Variants in ZNRF3 observed in about 807,000 individuals in gnomAD.
ZNRF3 encodes zinc and ring finger 3.
Under a neutral mutation model 72.5 loss-of-function variants are expected in ZNRF3, and 23 were observed. The ratio of observed to expected loss-of-function variants is 0.32; its 90% CI spans 0.23 to 0.45. The LOEUF is 0.45. Ranked by LOEUF, ZNRF3 falls within the 20% of genes least tolerant of loss-of-function variation. The pLI is 1.00. For missense variants in ZNRF3, 1,169 were observed against 1,272.1 expected (o/e 0.92, Z 1.23); for synonymous variants, 610 against 545.3 (o/e 1.12, Z -1.65).
chr22:28,962,464 A>G (rs1382663611), intron 1 of ZNRF3, among the ~76,000 whole-genome samples: 1 of 152,196 alleles, frequency 6.6e-6, no homozygotes, highest in Non-Finnish European at 1.5e-5. Context: ...TCCAAAAGGC[A>G]CAAGCAGTCA....
At chr22:28,931,007 A>G (rs1035227638) in intron 1 of ZNRF3, among the ~76,000 whole-genome samples, 2 of 152,222 alleles carry the variant, frequency 1.3e-5, no homozygotes, top group Admixed American at 6.5e-5. Flanking sequence ...TGGCCAGAGT[A>G]TAACAGGCAG....
At chr22:29,025,554 C>CTCTT (rs1394015146) in intron 2 of ZNRF3, 1 of 145,560 alleles carries the variant, frequency 6.9e-6, no homozygotes, top group Admixed American at 7.4e-5. Context: ...AGTTCCATTT[C>CTCTT]TCTTTCTTTC....
At chr22:28,928,409 A>G (rs2034640960) in intron 1 of ZNRF3, among the ~76,000 whole-genome samples, 1 of 152,100 alleles carries the variant, frequency 6.6e-6, no homozygotes, top group Non-Finnish European at 1.5e-5. Context: ...GCTGAGACCA[A>G]GGATGTACTC....
rs920812580 is a variant in ZNRF3 at position 28,937,607 on chromosome 22, G to A, written c.301-49469G>A. Among the ~76,000 whole-genome samples the A allele has an allele frequency of 2.0e-5, 3 of 152,158 alleles. 1 individual carries two copies. The highest frequency in any genetic ancestry group is 7.2e-5 in the African/African-American group (3 of 41,422). On this transcript the variant is annotated intron_variant, in intron 1 of 8. Transcript: ENST00000544604. ...GCCCCACCTCTAGAGTGTCTGATCAGTAGCTTTGGGGTGGGGCCTGAGAAT... is the reference window on the plus strand; with the variant it reads ...GCCCCACCTCTAGAGTGTCTGATCAATAGCTTTGGGGTGGGGCCTGAGAAT...
chr22:28,933,228 G>A (rs755071420), intron 1 of ZNRF3, among the ~76,000 whole-genome samples: 10 of 152,088 alleles, frequency 6.6e-5, no homozygotes, highest in Non-Finnish European at 1.3e-4. Flanking sequence ...AACTTCTCTG[G>A]AAATTATTGG....
chr22:28,965,057 C>G (rs922607616), intron 1 of ZNRF3, among the ~76,000 whole-genome samples: 1 of 152,122 alleles, frequency 6.6e-6, no homozygotes, highest in African/African-American at 2.4e-5. Context: ...GAGCTGGTTC[C>G]CAGGGCCTGT....
rs1003535337 is a variant in ZNRF3, at chr22:29,042,551, C to T, written c.483C>T (p.Asn161=). 1 of 1,613,624 alleles carries T rather than the reference C, an allele frequency of 6.2e-7. No individual in the cohort carries two copies. The highest frequency in any genetic ancestry group is 8.5e-7 in the Non-Finnish European group (1 of 1,180,014). ...CAGTCATCTTTGATGTGTCTGAAAA[C>T]CCAGAAGCTATTGATCAGGTAAGCT... ...ATAVIFDVSE[N]PEAIDQLNQG... Residue 161 remains asparagine (N), a synonymous_variant, in exon 3 of 9, where the codon AAC becomes AAT. Transcript: ENST00000544604.
intron 2 of ZNRF3, among the ~76,000 whole-genome samples, chr22:29,004,161 T>A (rs1485429503): frequency 6.6e-6 from 1 of 152,226 alleles, no homozygotes; most frequent in Non-Finnish European, 1.5e-5. Context: ...GGCTGAGAAG[T>A]GGGCTTGCTT....
rs2037249954 is a variant in ZNRF3 at position 29,053,669 on chromosome 22, C to G, written c.*47C>G. ...GGAAATTGGGAACTGTATGGAGACT[C>G]CAAACTGACTTCTTTCAAAAAACAA... On this transcript the variant is annotated 3_prime_UTR_variant, in exon 9 of 9. Transcript: ENST00000544604. 1 of 1,550,008 alleles carries G rather than the reference C, an allele frequency of 6.5e-7. No individual in the cohort carries two copies. The highest frequency in any genetic ancestry group is 8.7e-7 in the Non-Finnish European group (1 of 1,146,318).
chr22:28,901,225 C>T (rs1168124594), intron 1 of ZNRF3, among the ~76,000 whole-genome samples: 2 of 152,078 alleles, frequency 1.3e-5, no homozygotes, highest in East Asian at 1.9e-4. Context: ...CCTGAAGATA[C>T]CTGAATTCTA....
chr22:28,990,047 G>T (rs889435448), intron 2 of ZNRF3, among the ~76,000 whole-genome samples: 1 of 152,198 alleles, frequency 6.6e-6, no homozygotes, highest in Non-Finnish European at 1.5e-5. Flanking sequence ...GTGGGAGGAG[G>T]TACAGTCAGG....
rs138282054 is a variant in ZNRF3, at chr22:28,919,726, C to T, written c.300+35660C>T. 1.6e-4 allele frequency among the ~76,000 whole-genome samples: 25 copies of T among 151,784 alleles called. No homozygotes were observed. In the South Asian group the frequency reaches 4.0e-3, roughly 24 times the overall value. ...TTCACCATGTTGGCCAAGCTGGTCT[C>T]GAACTCCTAACCTCAGGTGATTCGC... On this transcript the variant is annotated intron_variant, in intron 1 of 8. Transcript: ENST00000544604.
rs1453251590 is a variant in ZNRF3 at position 29,048,472 on chromosome 22, C to T, written c.996C>T (p.His332=). 1.2e-6 allele frequency: 2 copies of T among 1,614,200 alleles called. No individual in the cohort carries two copies. Among genetic ancestry groups the T allele is most frequent in the Admixed American group, 3.3e-5 (2 of 60,024 alleles). Residue 332 remains histidine, a synonymous_variant, in exon 7 of 9, where the codon CAC becomes CAT. Transcript: ENST00000544604. This position sits in a 1 kb window ranked among gnomAD's most constrained non-coding sequence, Gnocchi z 4.9. Reference sequence around the variant, plus strand: ...TGCTGCAGCACCACACCTGCCCCCACTGTCGGCACAACATCATAGGTAACT... The same window carrying T: ...TGCTGCAGCACCACACCTGCCCCCATTGTCGGCACAACATCATAGGTAACT... ...PWLLQHHTCP[H]CRHNIIEQKG...
chr22:28,889,229 A>C (rs2033844648), intron 1 of ZNRF3, among the ~76,000 whole-genome samples: 1 of 152,202 alleles, frequency 6.6e-6, no homozygotes, highest in Admixed American at 6.5e-5. Context: ...TGAACAACAT[A>C]TAATATAGGG....
intron 1 of ZNRF3, among the ~76,000 whole-genome samples, chr22:28,942,237 G>C (rs1314762198): frequency 1.3e-5 from 2 of 152,214 alleles, no homozygotes. Flanking sequence ...GTGATGTGAC[G>C]CGATGCCGAT....
chr22:28,908,265 T>C (rs132539), intron 1 of ZNRF3, among the ~76,000 whole-genome samples: 103,253 of 152,056 alleles, frequency 0.68, 35,784 homozygotes, highest in Admixed American at 0.77. Context: ...GAAGTGAAGC[T>C]CAGCTTTCTT....
At chr22:28,974,227 C>T (rs1436313782) in intron 1 of ZNRF3, among the ~76,000 whole-genome samples, 1 of 152,148 alleles carries the variant, frequency 6.6e-6, no homozygotes, top group Non-Finnish European at 1.5e-5. Flanking sequence ...TCCCAAAGTG[C>T]TGGGATTACA....
At chr22:28,948,972 TTTAA>T (rs1308626627) in intron 1 of ZNRF3, among the ~76,000 whole-genome samples, 4 of 152,194 alleles carry the variant, frequency 2.6e-5, no homozygotes, top group Non-Finnish European at 5.9e-5. Context: ...AAAATTCACA[TTTAA>T]TTAATTAATT....
chr22:28,918,606 C>A (rs1171027587), intron 1 of ZNRF3, among the ~76,000 whole-genome samples: 2 of 150,574 alleles, frequency 1.3e-5, no homozygotes, highest in Admixed American at 6.6e-5. Flanking sequence ...AGGAGTATTT[C>A]TTTTCAAGAG....
Sources: gnomAD v4.1 joint callset for allele counts (sites outside exome capture counted in the v4.1 genomes callset) on GRCh38, gnomAD v4.1.1 for gene constraint, Gnocchi (gnomAD v3.1) non-coding constraint, MANE v1.5 for transcripts, NCBI Gene and HGNC (gene_info 2026-07-23, HGNC 2026-07-21) for gene names.